Variants in CEP44 observed in about 807,000 individuals in gnomAD.
CEP44 encodes centrosomal protein 44.
CEP44 carries 45 observed loss-of-function variants against 46.7 expected under a neutral mutation model. That is an observed-to-expected ratio of 0.96 (90% CI 0.76 to 1.24). The LOEUF (loss-of-function observed/expected upper bound fraction) is 1.24, where lower values mean the gene tolerates loss of function less well. Among genes scored for constraint, CEP44 ranks in the 50% most tolerant of loss-of-function variants. CEP44 has a pLI of 0.00. For missense variants in CEP44, 475 were observed against 459.7 expected (o/e 1.03, Z -0.30); for synonymous variants, 142 against 146.0 (o/e 0.97, Z 0.20).
At chr4:174,303,880 G>GC in intron 5 of CEP44, 31 bp downstream of exon 5, 1 of 1,402,780 alleles carries the variant, frequency 7.1e-7, no homozygotes, top group South Asian at 1.4e-5. Context: ...TAATGCTGAT[G>GC]TATGCTATTA....
chr4:174,283,894 G>A (rs1737228703), upstream of CEP44: 7 of 398,842 alleles, frequency 1.8e-5, no homozygotes, highest in Non-Finnish European at 3.1e-5. This position sits in a 1 kb window ranked among gnomAD's most constrained non-coding sequence, Gnocchi z 6.7. Context: ...AATCGGCAGC[G>A]AGGAATCCTG....
downstream of CEP44, among the ~76,000 whole-genome samples, chr4:174,320,914 A>G (rs1488152566): frequency 6.6e-6 from 1 of 152,116 alleles, no homozygotes; most frequent in Non-Finnish European, 1.5e-5. Flanking sequence ...GAAGAAACAT[A>G]GTAAGAGTGA....
At position 174,304,386 on chromosome 4, in the gene CEP44, A is replaced by G; in HGVS notation, c.507+17A>G. On this transcript the variant is annotated intron_variant, in intron 6 of 11. Coordinates refer to ENST00000503780, the MANE Select transcript of CEP44 (RefSeq NM_001040157.3). ...TCAGGAAAGGTATGCAACCACAAAG[A>G]AAATATCATATTGTTTAAGAGTTAT... 1.2e-6 allele frequency: 2 copies of G among 1,601,950 alleles called. No homozygotes were observed. Among genetic ancestry groups the G allele is most frequent in the Non-Finnish European group, 8.5e-7 (1 of 1,176,874 alleles).
At chr4:174,295,907 G>C (rs908714836) in intron 1 of CEP44, among the ~76,000 whole-genome samples, 1 of 152,124 alleles carries the variant, frequency 6.6e-6, no homozygotes. Context: ...TTATGGATGG[G>C]TGTTAGATTT....
In CEP44 at chr4:174,317,629, T is replaced by G. The variant is rs1029007708; in HGVS notation, c.*246T>G. 17 of 1,057,790 alleles carry G rather than the reference T, an allele frequency of 1.6e-5. No homozygotes were observed. Among genetic ancestry groups the G allele is most frequent in the Non-Finnish European group, 4.6e-6 (4 of 874,480 alleles). The allele number at this position is 1,057,790 out of a possible 1,614,324, so 65.5% of individuals were successfully genotyped here. A position where few individuals can be genotyped will look rare whatever the true frequency, so the allele number is the denominator to read the frequency against. On this transcript the variant is annotated 3_prime_UTR_variant, in exon 12 of 12. Coordinates refer to ENST00000503780, the MANE Select transcript of CEP44 (RefSeq NM_001040157.3). The stretch of plus-strand genomic sequence containing the variant: ...AAAAACTCATGTTCCAGTATATTTC[T>G]CTTACAGAGTGAAGTCATTACAGCA...
rs1739404108 is a variant in CEP44 at position 174,299,050 on chromosome 4, T to G, written c.-50-22T>G. ...CAAAAATACAGAGACTTAACCAGTA[T>G]TTCATGGATTTCTATTTTCAGGTGA... On this transcript the variant is annotated intron_variant, in intron 2 of 11. Coordinates refer to ENST00000503780, the MANE Select transcript of CEP44 (RefSeq NM_001040157.3). The G allele has an allele frequency of 2.2e-6, 3 of 1,336,880 alleles. No individual in the cohort carries two copies. The South Asian group carries it at 3.7e-5, about 17-fold the overall frequency. The allele number at this position is 1,336,880 out of a possible 1,614,324, so 82.8% of individuals were successfully genotyped here.
intron 6 of CEP44, among the ~76,000 whole-genome samples, chr4:174,308,091 G>A (rs568103823): frequency 1.6e-4 from 25 of 152,190 alleles, no homozygotes; most frequent in African/African-American, 4.6e-4. Flanking sequence ...CAGCAGTCCC[G>A]TTACTTGGTA....
Position 174,314,409 on chromosome 4 carries a change from T to C in CEP44, c.962-1757T>C, listed in dbSNP as rs1236327440. 6.6e-6 allele frequency among the ~76,000 whole-genome samples: 1 copy of C among 152,234 alleles called. No homozygotes were observed. The highest frequency in any genetic ancestry group is 2.4e-5 in the African/African-American group (1 of 41,460). On this transcript the variant is annotated intron_variant, in intron 9 of 11. Transcript: ENST00000503780. This position sits in a 1 kb window ranked among gnomAD's most constrained non-coding sequence, Gnocchi z 4.1. ...TTAATGTGCAGTTAACTGATCTGGC[T>C]ATTAAATATAGCTGGTGTTCTGTAA...
rs772019571 is a variant in CEP44 at position 174,311,676 on chromosome 4, G to A, written c.961+818G>A. On this transcript the variant is annotated intron_variant, in intron 9 of 11. Coordinates refer to ENST00000503780, the MANE Select transcript of CEP44 (RefSeq NM_001040157.3). This position sits in a 1 kb window ranked among gnomAD's most constrained non-coding sequence, Gnocchi z 4.4. ...TCATTTAATTCTTGAAGTAACCATT[G>A]CAAGATAAGTACTATTTTTATATTT... Among the ~76,000 whole-genome samples the A allele has an allele frequency of 4.6e-5, 7 of 152,116 alleles. No homozygotes were observed. The highest frequency in any genetic ancestry group is 8.8e-5 in the Non-Finnish European group (6 of 68,008).
At chr4:174,296,690 A>G (rs1739057736) in intron 1 of CEP44, among the ~76,000 whole-genome samples, 1 of 146,904 alleles carries the variant, frequency 6.8e-6, no homozygotes, top group Non-Finnish European at 1.5e-5. Context: ...TATGTATTCT[A>G]TTGTTGTTTG....
At chr4:174,316,616 G>A (rs896354009) in intron 11 of CEP44, 49 bp downstream of exon 11, 3 of 1,490,460 alleles carry the variant, frequency 2.0e-6, no homozygotes, top group Non-Finnish European at 2.8e-6. Context: ...ATAGGGAATT[G>A]TATTGGATTA....
chr4:174,308,971 G>A (rs1459633057), intron 7 of CEP44, 112 bp downstream of exon 7: 2 of 923,358 alleles, frequency 2.2e-6, no homozygotes, highest in Non-Finnish European at 3.3e-6. Flanking sequence ...TATTAATCAT[G>A]ACATTTTATC....
intron 10 of CEP44, 95 bp downstream of exon 10, chr4:174,316,385 C>T (rs72993320): frequency 0.07 from 98,471 of 1,409,382 alleles, 4,977 homozygotes; most frequent in South Asian, 0.2. Flanking sequence ...AAATAGCAAA[C>T]GCGAATCTTA....
chr4:174,299,905 ACTTACC>A (rs1270859452), intron 3 of CEP44, among the ~76,000 whole-genome samples: 1 of 152,164 alleles, frequency 6.6e-6, no homozygotes, highest in Admixed American at 6.5e-5. Context: ...TCTTCATGAC[ACTTACC>A]CTTAACCTTT....
chr4:174,293,130 C>A (rs1006729877), intron 1 of CEP44, among the ~76,000 whole-genome samples: 3 of 152,170 alleles, frequency 2.0e-5, no homozygotes, highest in Non-Finnish European at 4.4e-5. Flanking sequence ...ATCAGGTCTG[C>A]GGTTGTGGGC....
chr4:174,325,326 T>C (rs1344026000), downstream of CEP44, among the ~76,000 whole-genome samples: 2 of 152,132 alleles, frequency 1.3e-5, no homozygotes, highest in East Asian at 3.9e-4. The surrounding 1 kb of genome is among the most constrained non-coding windows in gnomAD (Gnocchi z 4.4). Flanking sequence ...TTTTAAATTT[T>C]TATAACATCC....
In CEP44 at chr4:174,303,869, T is replaced by C. The variant is rs1740050313; in HGVS notation, c.384+20T>C. On this transcript the variant is annotated intron_variant, in intron 5 of 11. Coordinates refer to ENST00000503780, the MANE Select transcript of CEP44 (RefSeq NM_001040157.3). ...CAGAAGGTAATTTTATGAATAGATA[T>C]TAATGCTGATGTATGCTATTAATAG... 2 of 1,475,174 alleles carry C rather than the reference T, an allele frequency of 1.4e-6. No individual in the cohort carries two copies. The highest frequency in any genetic ancestry group is 2.3e-5 in the East Asian group (1 of 43,312). The allele number at this position is 1,475,174 out of a possible 1,614,324, so 91.4% of individuals were successfully genotyped here. A position where few individuals can be genotyped will look rare whatever the true frequency, so the allele number is the denominator to read the frequency against.
chr4:174,333,355 A>G (rs769426121), exon 9 of CEP44: 5 of 150,348 alleles, frequency 3.3e-5, no homozygotes, highest in South Asian at 2.1e-4. Context: ...TGACAGACCT[A>G]TTCTGAAAAT....
At position 174,329,877 on chromosome 4, in the gene CEP44, T is replaced by A. The variant is rs1731222960; in HGVS notation, c.1087-1605T>A. ...AGTTGCAAATAACATCCTCTACCCT[T>A]AGGTCAAAAAGAATATGTAAACCAA... On this transcript the variant is annotated intron_variant, in intron 8 of 8. Coordinates refer to the CEP44 transcript ENST00000426172. This position sits in a 1 kb window ranked among gnomAD's most constrained non-coding sequence, Gnocchi z 4.0. 6.6e-6 allele frequency among the ~76,000 whole-genome samples: 1 copy of A among 152,126 alleles called. No individual in the cohort carries two copies. Among genetic ancestry groups the A allele is most frequent in the Non-Finnish European group, 1.5e-5 (1 of 68,010 alleles).
Sources: allele counts gnomAD v4.1 joint callset (sites outside exome capture counted in the v4.1 genomes callset), GRCh38; gene constraint gnomAD v4.1.1; non-coding constraint Gnocchi (gnomAD v3.1); transcripts MANE v1.5; gene names NCBI Gene and HGNC (gene_info 2026-07-23, HGNC 2026-07-21).